The following CDKAL1 variants were observed in gnomAD, a reference collection of about 807,000 sequenced individuals.
CDKAL1 encodes the protein CDKAL1 threonylcarbamoyladenosine tRNA methylthiotransferase.
CDKAL1 carries 32 observed loss-of-function variants against 68.2 expected under a neutral mutation model. That is an observed-to-expected ratio of 0.47 (90% CI 0.35 to 0.63). The LOEUF is 0.63. CDKAL1 is among the 30% of genes least tolerant of loss of function. CDKAL1 has a pLI of 0.00. For synonymous variants in CDKAL1, 234 were observed against 244.3 expected, an observed-to-expected ratio of 0.96 and a Z score of 0.39; for missense variants, 606 against 696.7, an observed-to-expected ratio of 0.87 and a Z score of 1.47.
chr6:21,163,320 G>T (rs1777005905), intron 13 of CDKAL1, among the ~76,000 whole-genome samples: 2 of 152,152 alleles, frequency 1.3e-5, no homozygotes, highest in South Asian at 2.1e-4. Flanking sequence ...TGATGCAGAG[G>T]CCTCACATAC....
At chr6:21,061,496 G>A (rs1394364454) in intron 11 of CDKAL1, among the ~76,000 whole-genome samples, 9 of 152,004 alleles carry the variant, frequency 5.9e-5, no homozygotes, top group Admixed American at 5.9e-4. Context: ...AAAAATTTTA[G>A]TATTTTGAAA....
intron 9 of CDKAL1, among the ~76,000 whole-genome samples, chr6:20,917,084 G>A (rs374367207): frequency 7.2e-5 from 11 of 152,218 alleles, no homozygotes; most frequent in African/African-American, 1.9e-4. Context: ...GGGTTCAAGC[G>A]ATTCTCCTGT....
intron 9 of CDKAL1, among the ~76,000 whole-genome samples, chr6:20,861,959 T>G (rs1335331208): frequency 6.6e-6 from 1 of 152,228 alleles, no homozygotes; most frequent in Non-Finnish European, 1.5e-5. Context: ...CTATCCCAGA[T>G]TGCAGAAGAA....
At chr6:20,854,246 TA>T (rs943155543) in intron 9 of CDKAL1, among the ~76,000 whole-genome samples, 1 of 152,204 alleles carries the variant, frequency 6.6e-6, no homozygotes, top group African/African-American at 2.4e-5. Context: ...TCCCTCTCAC[TA>T]AGTTTTTGTT....
At chr6:20,705,692 A>G (rs1046546373) in intron 5 of CDKAL1, among the ~76,000 whole-genome samples, 3 of 152,320 alleles carry the variant, frequency 2.0e-5, no homozygotes, top group Non-Finnish European at 2.9e-5. Context: ...TTCACTTCAC[A>G]GGCAAATGCA....
intron 5 of CDKAL1, among the ~76,000 whole-genome samples, chr6:20,726,452 G>A (rs1304218764): frequency 6.6e-6 from 1 of 152,206 alleles, no homozygotes; most frequent in African/African-American, 2.4e-5. Flanking sequence ...TCTTGAGACT[G>A]TGCCTGGAGC....
intron 12 of CDKAL1, among the ~76,000 whole-genome samples, chr6:21,072,841 C>T (rs1771866029): frequency 6.6e-6 from 1 of 152,142 alleles, no homozygotes; most frequent in Non-Finnish European, 1.5e-5. Context: ...ATATCATTTT[C>T]ACCCAAAGTC....
intron 11 of CDKAL1, among the ~76,000 whole-genome samples, chr6:21,036,363 A>T (rs1257353068): frequency 6.6e-6 from 1 of 152,164 alleles, no homozygotes; most frequent in African/African-American, 2.4e-5. Context: ...CATGAGCCCA[A>T]TAAATCACAG....
At chr6:20,684,505 T>C (rs1267860230) in intron 5 of CDKAL1, among the ~76,000 whole-genome samples, 1 of 152,202 alleles carries the variant, frequency 6.6e-6, no homozygotes, top group Non-Finnish European at 1.5e-5. Flanking sequence ...TGGACATAAG[T>C]TGTCAACTCT....
intron 7 of CDKAL1, among the ~76,000 whole-genome samples, chr6:20,766,252 A>G (rs1474228842): frequency 6.6e-6 from 1 of 152,092 alleles, no homozygotes; most frequent in East Asian, 1.9e-4. Context: ...GAGTTTATTT[A>G]TATGAGGACT....
At chr6:20,884,810 A>G (rs1393873932) in intron 9 of CDKAL1, among the ~76,000 whole-genome samples, 1 of 152,192 alleles carries the variant, frequency 6.6e-6, no homozygotes, top group African/African-American at 2.4e-5. Flanking sequence ...TTAACCAAGG[A>G]GGTGAAAAAT....
intron 2 of CDKAL1, among the ~76,000 whole-genome samples, chr6:20,543,970 T>G (rs1763487777): frequency 6.6e-6 from 1 of 151,908 alleles, no homozygotes; most frequent in African/African-American, 2.4e-5. Context: ...ACTCCTGACC[T>G]CAAGTGATCC....
chr6:20,954,443 T>C (rs1764682882), intron 9 of CDKAL1, among the ~76,000 whole-genome samples: 1 of 152,128 alleles, frequency 6.6e-6, no homozygotes, highest in Non-Finnish European at 1.5e-5. Context: ...TGTGTGCCTG[T>C]GTGTGTGTGT....
intron 5 of CDKAL1, among the ~76,000 whole-genome samples, chr6:20,681,266 G>A (rs1770363194): frequency 6.6e-6 from 1 of 152,176 alleles, no homozygotes; most frequent in Non-Finnish European, 1.5e-5. Flanking sequence ...AGTCTAAAAT[G>A]TTTCTAGGCA....
intron 13 of CDKAL1, among the ~76,000 whole-genome samples, chr6:21,187,976 A>G (rs1778080611): frequency 6.6e-6 from 1 of 152,154 alleles, no homozygotes; most frequent in Non-Finnish European, 1.5e-5. Context: ...TTTAGTGTTT[A>G]TTCGTTGAAA....
At chr6:21,031,495 T>A (rs959757045) in intron 11 of CDKAL1, among the ~76,000 whole-genome samples, 1 of 151,966 alleles carries the variant, frequency 6.6e-6, no homozygotes, top group African/African-American at 2.4e-5. Flanking sequence ...GTTGAATAAC[T>A]GAGGCAAGAT....
chr6:20,820,514 C>A (rs906228196), intron 8 of CDKAL1, among the ~76,000 whole-genome samples: 5 of 152,060 alleles, frequency 3.3e-5, no homozygotes, highest in Admixed American at 3.3e-4. Flanking sequence ...AATTCTTATC[C>A]ACCAGGCTAA....
chr6:20,834,335 T>C (rs927830478), intron 8 of CDKAL1, among the ~76,000 whole-genome samples: 23 of 152,204 alleles, frequency 1.5e-4, no homozygotes, highest in African/African-American at 5.6e-4. Context: ...TGAACTGTTT[T>C]GTCTTTGTTA....
At chr6:21,001,384 C>G (rs1047510757) in intron 11 of CDKAL1, among the ~76,000 whole-genome samples, 6 of 151,822 alleles carry the variant, frequency 4.0e-5, no homozygotes, top group Non-Finnish European at 2.9e-5. Context: ...TTTTAAAAAT[C>G]TTTTTCTTTT....
Sources: allele counts gnomAD v4.1 joint callset (sites outside exome capture counted in the v4.1 genomes callset), GRCh38; gene constraint gnomAD v4.1.1; transcripts MANE v1.5; gene names NCBI Gene and HGNC (gene_info 2026-07-23, HGNC 2026-07-21).